The following NALF1 variants were observed in gnomAD, a reference collection of about 807,000 sequenced individuals.
The protein encoded by NALF1 is family with sequence similarity 155 member A.
A neutral mutation model predicts 48.4 loss-of-function variants in NALF1; 3 were observed. The observed-to-expected ratio is 0.06, with a 90% CI of 0.03 to 0.16. The LOEUF (loss-of-function observed/expected upper bound fraction) is 0.16, where lower values mean the gene tolerates loss of function less well. NALF1 is among the 10% of genes least tolerant of loss of function. The pLI is 1.00. For missense variants in NALF1, 526 were observed against 571.5 expected (o/e 0.92, Z 0.81); for synonymous variants, 262 against 245.7 (o/e 1.07, Z -0.62).
rs921352988 is a variant in NALF1, at chr13:107,572,605, T to C, written c.915+293077A>G. 3.9e-5 allele frequency among the ~76,000 whole-genome samples: 6 copies of C among 152,302 alleles called. 1 individual carries two copies. The highest frequency in any genetic ancestry group is 1.3e-4 in the Admixed American group (2 of 15,302). On this transcript the variant is annotated intron_variant, in intron 1 of 2. Coordinates refer to ENST00000375915, the MANE Select transcript of NALF1 (RefSeq NM_001080396.3). Reference sequence around the variant, plus strand: ...AACTGTGGCAGGAGAACTCGTCACATTGCAAGGAGGGTAAAATCTCAGGCC... The same window carrying C: ...AACTGTGGCAGGAGAACTCGTCACACTGCAAGGAGGGTAAAATCTCAGGCC...
intron 1 of NALF1, among the ~76,000 whole-genome samples, chr13:107,563,919 G>A (rs564744319): frequency 3.3e-5 from 5 of 152,246 alleles, no homozygotes; most frequent in East Asian, 1.9e-4. Context: ...TTTAGAATAC[G>A]AGAGAATTAA....
At chr13:107,329,166 C>T (rs1882421156) in intron 1 of NALF1, among the ~76,000 whole-genome samples, 1 of 152,218 alleles carries the variant, frequency 6.6e-6, no homozygotes, top group Admixed American at 6.5e-5. Flanking sequence ...AACTATAATT[C>T]CTTAACACAT....
At chr13:107,538,080 C>G (rs1406457182) in intron 1 of NALF1, among the ~76,000 whole-genome samples, 1 of 152,064 alleles carries the variant, frequency 6.6e-6, no homozygotes, top group Non-Finnish European at 1.5e-5. Flanking sequence ...CAACAGTAAT[C>G]TTAATTAATG....
rs143109185 is a variant in NALF1, at chr13:107,362,252, G to C, written c.916-151497C>G. On this transcript the variant is annotated intron_variant, in intron 1 of 2. Coordinates refer to ENST00000375915, the MANE Select transcript of NALF1 (RefSeq NM_001080396.3). This position sits in a 1 kb window ranked among gnomAD's most constrained non-coding sequence, Gnocchi z 4.6. ...TTTATGATATTCATGTAAACAGGAA[G>C]GAATAGTTGTATTCATTTTCTAGGG... is the stretch of plus-strand genomic sequence containing the variant. Among the ~76,000 whole-genome samples, 837 of 152,268 alleles carry C rather than the reference G, an allele frequency of 5.5e-3. 6 individuals are homozygous for C. The highest frequency in any genetic ancestry group is 0.019 in the African/African-American group (789 of 41,542).
chr13:107,400,544 C>A (rs1429065999), intron 1 of NALF1, among the ~76,000 whole-genome samples: 2 of 151,802 alleles, frequency 1.3e-5, no homozygotes, highest in African/African-American at 4.8e-5. Flanking sequence ...TGAACCCCAT[C>A]TCTATTAAAA....
At chr13:107,678,859 T>C (rs1594201978) in intron 1 of NALF1, among the ~76,000 whole-genome samples, 1 of 152,142 alleles carries the variant, frequency 6.6e-6, no homozygotes, top group South Asian at 2.1e-4. Context: ...CCACCTGGTC[T>C]CTCCCGTAAC....
chr13:107,212,305 C>G lies in NALF1; in HGVS notation c.916-1550G>C, dbSNP rs183556094. ...TTTTCTTTGCCAGTCATCAATGGCTCACAATCACCATGTAACTTGTTAGTA... is the reference window on the plus strand; with the variant it reads ...TTTTCTTTGCCAGTCATCAATGGCTGACAATCACCATGTAACTTGTTAGTA... On this transcript the variant is annotated intron_variant, in intron 1 of 2. Coordinates refer to ENST00000375915, the MANE Select transcript of NALF1 (RefSeq NM_001080396.3). Among the ~76,000 whole-genome samples, 4 of 152,334 alleles carry G rather than the reference C, an allele frequency of 2.6e-5. No homozygotes were observed. The East Asian group carries it at 5.8e-4, about 22-fold the overall frequency.
intron 1 of NALF1, among the ~76,000 whole-genome samples, chr13:107,442,520 C>T (rs1448776931): frequency 2.6e-5 from 4 of 152,016 alleles, no homozygotes; most frequent in Admixed American, 1.3e-4. Flanking sequence ...CAGGTAAATG[C>T]GTTTAATGAA....
At chr13:107,584,911 C>CCAT (rs1878410219) in intron 1 of NALF1, among the ~76,000 whole-genome samples, 1 of 152,130 alleles carries the variant, frequency 6.6e-6, no homozygotes, top group Non-Finnish European at 1.5e-5. Context: ...ATCACTGTTA[C>CCAT]CATCACTACT....
intron 1 of NALF1, among the ~76,000 whole-genome samples, chr13:107,756,435 CTATATA>C (rs148971349): frequency 3.5e-5 from 5 of 141,084 alleles, no homozygotes; most frequent in East Asian, 2.1e-4. Context: ...AGTTTAATGG[CTATATA>C]TATATATATA....
chr13:107,342,924 T>A (rs942236670), intron 1 of NALF1, among the ~76,000 whole-genome samples: 5 of 152,060 alleles, frequency 3.3e-5, no homozygotes, highest in African/African-American at 1.2e-4. Flanking sequence ...ATTAACACAG[T>A]AACAGGAGGA....
intron 1 of NALF1, among the ~76,000 whole-genome samples, chr13:107,371,723 C>T (rs1447204855): frequency 2.0e-5 from 3 of 152,006 alleles, no homozygotes; most frequent in Non-Finnish European, 4.4e-5. Flanking sequence ...GTTGTACAGA[C>T]CTTGAGAAGT....
At chr13:107,246,027 T>C (rs371179277) in intron 1 of NALF1, among the ~76,000 whole-genome samples, 2 of 152,242 alleles carry the variant, frequency 1.3e-5, no homozygotes, top group African/African-American at 4.8e-5. Flanking sequence ...GCTTCGCAGG[T>C]ACCCAAGCGT....
chr13:107,795,662 T>A (rs2138591316), intron 1 of NALF1, among the ~76,000 whole-genome samples: 1 of 152,290 alleles, frequency 6.6e-6, no homozygotes, highest in Non-Finnish European at 1.5e-5. Context: ...ATAATTATCA[T>A]TGTTATTATC....
intron 1 of NALF1, among the ~76,000 whole-genome samples, chr13:107,581,839 T>C (rs545103383): frequency 9.9e-5 from 15 of 152,222 alleles, no homozygotes; most frequent in Admixed American, 2.0e-4. Context: ...TTCATTAAAA[T>C]AGTCTCCCAT....
intron 1 of NALF1, among the ~76,000 whole-genome samples, chr13:107,798,131 G>C (rs774975074): frequency 6.6e-5 from 10 of 152,092 alleles, no homozygotes; most frequent in Non-Finnish European, 1.5e-5. Flanking sequence ...AGGCTTTCTG[G>C]TTTCATTCTT....
At chr13:107,387,233 C>T (rs1376466504) in intron 1 of NALF1, among the ~76,000 whole-genome samples, 3 of 151,994 alleles carry the variant, frequency 2.0e-5, no homozygotes, top group Admixed American at 6.6e-5. Context: ...CCTTTGAAAA[C>T]TCAGAGATGT....
At chr13:107,567,147 C>T (rs1476879542) in intron 1 of NALF1, among the ~76,000 whole-genome samples, 8 of 151,948 alleles carry the variant, frequency 5.3e-5, no homozygotes, top group East Asian at 1.9e-4. Context: ...TATGTGATAA[C>T]GTAGTTAAAA....
At chr13:107,791,159 C>T (rs1594269096) in intron 1 of NALF1, among the ~76,000 whole-genome samples, 1 of 152,100 alleles carries the variant, frequency 6.6e-6, no homozygotes, top group Non-Finnish European at 1.5e-5. Context: ...GTTGCAACTA[C>T]AGTATGATTG....
Sources: gnomAD v4.1 joint callset for allele counts (sites outside exome capture counted in the v4.1 genomes callset) on GRCh38, gnomAD v4.1.1 for gene constraint, Gnocchi (gnomAD v3.1) non-coding constraint, MANE v1.5 for transcripts, NCBI Gene and HGNC (gene_info 2026-07-23, HGNC 2026-07-21) for gene names.